The following ASB11 variants were observed in gnomAD, a reference collection of about 807,000 sequenced individuals.
ASB11 encodes the protein ankyrin repeat and SOCS box protein 11.
ASB11 carries 17 observed loss-of-function variants against 20.1 expected under a neutral mutation model. The observed-to-expected ratio is 0.85, with a 90% CI of 0.58 to 1.27. The LOEUF (loss-of-function observed/expected upper bound fraction) is 1.27. ASB11 is among the 50% of genes most tolerant of loss of function. The pLI, the probability that ASB11 is intolerant of heterozygous loss-of-function variation, is 0.00. For synonymous variants in ASB11, 107 were observed against 105.6 expected, an observed-to-expected ratio of 1.01 and a Z score of -0.08; for missense variants, 259 against 256.9, an observed-to-expected ratio of 1.01 and a Z score of -0.06.
chrX:15,302,896 G>T, intron 1 of ASB11, 89 bp from the exon 2 acceptor site: 2 of 841,149 alleles, frequency 2.4e-6, no homozygotes. Context: ...GAGGAGGTTT[G>T]GGGGAAGAGG....
intron 6 of ASB11, among the ~76,000 whole-genome samples, chrX:15,284,056 T>C (rs748082037): frequency 7.1e-4 from 76 of 107,429 alleles, no homozygotes; most frequent in East Asian, 5.7e-3. Context: ...ATGGAGACCA[T>C]CCTGGCTAAC....
At chrX:15,284,702 G>C (rs192948735) in intron 6 of ASB11, among the ~76,000 whole-genome samples, 3 of 111,907 alleles carry the variant, frequency 2.7e-5, no homozygotes, top group Admixed American at 9.5e-5. Context: ...ATCAGCTGAT[G>C]AGAGTCCAGA....
chrX:15,292,244 T>A (rs989623855), intron 4 of ASB11, among the ~76,000 whole-genome samples: 2 of 111,832 alleles, frequency 1.8e-5, no homozygotes, highest in Non-Finnish European at 3.8e-5. Flanking sequence ...CTGGAAAAAA[T>A]TGGCAAGTGA....
chrX:15,310,786 G>A (rs1378603242), intron 1 of ASB11, among the ~76,000 whole-genome samples: 1 of 111,787 alleles, frequency 8.9e-6, no homozygotes, highest in African/African-American at 3.3e-5. Flanking sequence ...TCAGGAGTTC[G>A]AGACCAGCCT....
intron 4 of ASB11, among the ~76,000 whole-genome samples, chrX:15,290,950 G>T (rs1927516326): frequency 9.0e-6 from 1 of 111,320 alleles, no homozygotes; most frequent in Non-Finnish European, 1.9e-5. Context: ...TAAGAATCCA[G>T]AAATAATATC....
rs546312941 is a variant in ASB11, at chrX:15,294,350, C to CA, written c.370-1031dup. On this transcript the variant is annotated intron_variant, in intron 3 of 6. Transcript: ENST00000480796. ...ATTCTAAATGTCCTTGCTTTGGACA[C>CA]AAAAAAAGACTTGTTTCCAGAGTTG... is the stretch of plus-strand genomic sequence containing the variant. 1.4e-3 allele frequency among the ~76,000 whole-genome samples: 154 copies of CA among 111,965 alleles called. 1 individual carries two copies. In the South Asian group the frequency reaches 0.057, roughly 41 times the overall value.
intron 6 of ASB11, among the ~76,000 whole-genome samples, chrX:15,285,353 C>A (rs1382249111): frequency 9.2e-6 from 1 of 108,787 alleles, no homozygotes. Context: ...CTTAGCCAGG[C>A]TGGTCTTGAA....
At chrX:15,310,748 G>A (rs750056285) in intron 1 of ASB11, among the ~76,000 whole-genome samples, 1 of 112,500 alleles carries the variant, frequency 8.9e-6, no homozygotes, top group East Asian at 2.8e-4. Flanking sequence ...AGCACTTTGG[G>A]AGGCCAAGGC....
chrX:15,285,286 G>A (rs189405930), intron 6 of ASB11, among the ~76,000 whole-genome samples: 1 of 109,183 alleles, frequency 9.2e-6, no homozygotes, highest in Non-Finnish European at 1.9e-5. Flanking sequence ...GATTACAGGC[G>A]GGTGCCACCA....
intron 4 of ASB11, 59 bp downstream of exon 4, chrX:15,293,111 T>C: frequency 1.7e-6 from 2 of 1,164,013 alleles, no homozygotes; most frequent in South Asian, 2.0e-5. Flanking sequence ...AGACCATTGA[T>C]TCATACAGAT....
intron 5 of ASB11, among the ~76,000 whole-genome samples, chrX:15,289,045 C>T (rs1447498550): frequency 2.7e-5 from 3 of 112,132 alleles, no homozygotes; most frequent in South Asian, 7.4e-4. Flanking sequence ...GGCAAGCATA[C>T]CTAGATTTCC....
intron 2 of ASB11, 95 bp downstream of exon 2, chrX:15,302,633 T>C: frequency 1.1e-6 from 1 of 894,803 alleles, no homozygotes; most frequent in Middle Eastern, 2.8e-4. Flanking sequence ...GGGACCTGGA[T>C]AGGGTGAGCC....
In ASB11 at chrX:15,285,872, G is replaced by A. The variant is rs138511368; in HGVS notation, c.847+2009C>T. On this transcript the variant is annotated intron_variant, in intron 6 of 6. Coordinates refer to ENST00000480796, the MANE Select transcript of ASB11 (RefSeq NM_080873.3). ...TACAAAAAATTAGCTGGGCGTGGTG[G>A]CACGCGCCTGTAATCGCAGCTACTC... Among the ~76,000 whole-genome samples, 899 of 110,664 alleles carry A rather than the reference G, an allele frequency of 8.1e-3. 10 individuals are homozygous for A. Among genetic ancestry groups the A allele is most frequent in the African/African-American group, 0.028 (862 of 30,378 alleles).
At chrX:15,290,298 G>A (rs934458271) in intron 4 of ASB11, among the ~76,000 whole-genome samples, 5 of 110,978 alleles carry the variant, frequency 4.5e-5, no homozygotes, top group Non-Finnish European at 7.5e-5. Context: ...AGGGACAAAC[G>A]ACTAGGCCTA....
Position 15,284,059 on chromosome X carries a change from T to C in ASB11, c.848-430A>G, listed in dbSNP as rs772760293. Among the ~76,000 whole-genome samples the C allele has an allele frequency of 1.1e-4, 12 of 107,570 alleles. No individual in the cohort carries two copies. In the South Asian group the frequency reaches 2.5e-3, roughly 22 times the overall value. The allele number at this position is 107,570 out of a possible 115,157, so 93.4% of individuals were successfully genotyped here. ...CGAGGTCAGGAGATGGAGACCATCC[T>C]GGCTAACACGGTGAAACCCCGTGTC... On this transcript the variant is annotated intron_variant, in intron 6 of 6. Transcript: ENST00000480796.
At chrX:15,297,123 C>G (rs1013755785) in intron 3 of ASB11, among the ~76,000 whole-genome samples, 3 of 112,022 alleles carry the variant, frequency 2.7e-5, no homozygotes, top group Non-Finnish European at 5.6e-5. Flanking sequence ...GAAACTCTGT[C>G]TCTACTAAAA....
chrX:15,295,798 A>C (rs1920960160), intron 3 of ASB11, among the ~76,000 whole-genome samples: 1 of 112,651 alleles, frequency 8.9e-6, no homozygotes, highest in African/African-American at 3.2e-5. Flanking sequence ...TGTGCCCAAC[A>C]AAACCTCCTC....
At position 15,283,386 on chromosome X, in the gene ASB11, C is replaced by T. The variant is rs762940447; in HGVS notation, c.*119G>A. 15 of 981,146 alleles carry T rather than the reference C, an allele frequency of 1.5e-5. No individual in the cohort carries two copies. Among genetic ancestry groups the T allele is most frequent in the East Asian group, 1.3e-4 (4 of 31,910 alleles). The allele number at this position is 981,146 out of a possible 1,213,427, so 80.9% of individuals were successfully genotyped here. A position where few individuals can be genotyped will look rare whatever the true frequency, so the allele number is the denominator to read the frequency against. On this transcript the variant is annotated 3_prime_UTR_variant, in exon 7 of 7. Coordinates refer to ENST00000480796, the MANE Select transcript of ASB11 (RefSeq NM_080873.3). ...GTTCTAGCTCATGGGGGATTTACTT[C>T]GACTGAGCTCATTTAAAGATACTAG...
intron 3 of ASB11, among the ~76,000 whole-genome samples, chrX:15,297,079 G>A (rs1204266939): frequency 2.7e-5 from 3 of 112,175 alleles, no homozygotes; most frequent in African/African-American, 9.7e-5. Context: ...GGATCACAAG[G>A]TCAGGAGATC....
Sources: gnomAD v4.1 joint callset for allele counts (sites outside exome capture counted in the v4.1 genomes callset) on GRCh38, gnomAD v4.1.1 for gene constraint, MANE v1.5 for transcripts, NCBI Gene and HGNC (gene_info 2026-07-23, HGNC 2026-07-21) for gene names.